Variants in HOMER1 observed in about 807,000 individuals in gnomAD.
HOMER1 encodes the protein homer protein homolog 1.
HOMER1 carries 3 observed loss-of-function variants against 48.9 expected under a neutral mutation model. The ratio of observed to expected loss-of-function variants is 0.06; its 90% CI spans 0.03 to 0.16. The LOEUF is 0.16. Ranked by LOEUF, HOMER1 falls within the 10% of genes least tolerant of loss-of-function variation. The probability of loss-of-function intolerance (pLI) is 1.00; values close to 1 mark genes in which losing one functional copy is unlikely to be tolerated. For synonymous variants in HOMER1, 134 were observed against 146.4 expected (o/e 0.92, Z 0.61); for missense variants, 247 against 411.4 (o/e 0.60, Z 3.46).
chr5:79,500,680 G>A (rs1221180191), intron 1 of HOMER1, among the ~76,000 whole-genome samples: 1 of 151,444 alleles, frequency 6.6e-6, no homozygotes, highest in Non-Finnish European at 1.5e-5. Context: ...AGGCTGGAGT[G>A]TAATGGTATG....
In HOMER1 at chr5:79,489,519, T is replaced by C. The variant is rs549164453; in HGVS notation, c.5+23251A>G. Among the ~76,000 whole-genome samples the C allele has an allele frequency of 6.2e-4, 94 of 152,118 alleles. 1 individual carries two copies. The South Asian group carries it at 0.019, about 31-fold the overall frequency. ...TTGCAGTGAGCCGAGATTGCGCCAC[T>C]GTACTCCAGCCTGGGCGACAGAGCA... On this transcript the variant is annotated intron_variant, in intron 1 of 8. Coordinates refer to ENST00000334082, the MANE Select transcript of HOMER1 (RefSeq NM_004272.5).
intron 8 of HOMER1, among the ~76,000 whole-genome samples, chr5:79,396,496 C>T (rs1460979117): frequency 1.3e-5 from 2 of 151,970 alleles, no homozygotes; most frequent in East Asian, 1.9e-4. Context: ...GATCCTCCTC[C>T]TCAGCATCCC....
chr5:79,403,796 G>A (rs1240483255), intron 5 of HOMER1, among the ~76,000 whole-genome samples: 3 of 152,078 alleles, frequency 2.0e-5, no homozygotes, highest in Non-Finnish European at 1.5e-5. Flanking sequence ...CAGTTTTTGT[G>A]ATTTTTCTAT....
rs906980723 is a variant in HOMER1, at chr5:79,413,079, T to C, written c.528-11024A>G. Among the ~76,000 whole-genome samples the C allele has an allele frequency of 8.5e-5, 13 of 152,150 alleles. 1 individual carries two copies. The highest frequency in any genetic ancestry group is 8.5e-4 in the Admixed American group (13 of 15,280). On this transcript the variant is annotated intron_variant, in intron 5 of 8. Transcript: ENST00000334082. ...GTCAGTGAACTTAAAGCTTAATCAA[T>C]ACAAATTTTCCAGTTTGAACATCAG...
chr5:79,398,588 T>A (rs9293779), intron 6 of HOMER1, among the ~76,000 whole-genome samples: 1 of 151,928 alleles, frequency 6.6e-6, no homozygotes, highest in Non-Finnish European at 1.5e-5. Context: ...AGCCTCCCAG[T>A]GGACTTAATT....
intron 1 of HOMER1, among the ~76,000 whole-genome samples, chr5:79,469,892 T>C (rs758815718): frequency 3.9e-5 from 6 of 152,212 alleles, no homozygotes; most frequent in Non-Finnish European, 8.8e-5. Context: ...ATATAATCCC[T>C]GTAGTGATGT....
At chr5:79,479,424 G>A (rs929764379) in intron 1 of HOMER1, among the ~76,000 whole-genome samples, 17 of 152,194 alleles carry the variant, frequency 1.1e-4, no homozygotes, top group African/African-American at 4.1e-4. Flanking sequence ...ATCCTCACAA[G>A]AGGGATGCAG....
At chr5:79,481,700 C>G (rs963547363) in intron 1 of HOMER1, among the ~76,000 whole-genome samples, 1 of 152,160 alleles carries the variant, frequency 6.6e-6, no homozygotes, top group Non-Finnish European at 1.5e-5. Context: ...CCCCAGGACT[C>G]ACATAAAACC....
chr5:79,379,114 A>ATATATATATAT (rs70975748), intron 8 of HOMER1, among the ~76,000 whole-genome samples: 5 of 82,246 alleles, frequency 6.1e-5, no homozygotes, highest in African/African-American at 2.7e-4. Flanking sequence ...ATATATATAT[A>ATATATATATAT]AAATATATAA....
chr5:79,443,087 A>G (rs546787309), intron 4 of HOMER1, among the ~76,000 whole-genome samples: 1 of 152,300 alleles, frequency 6.6e-6, no homozygotes, highest in South Asian at 2.1e-4. Flanking sequence ...GCTGCATCAA[A>G]TGCTTACCAA....
chr5:79,438,820 A>C (rs1240564664), intron 5 of HOMER1, among the ~76,000 whole-genome samples, 190 bp downstream of exon 5: 3 of 151,860 alleles, frequency 2.0e-5, no homozygotes, highest in Non-Finnish European at 4.4e-5. Context: ...ATGCAACTAT[A>C]AACTATAAAT....
chr5:79,511,000 A>C (rs1318313453), intron 1 of HOMER1: 1 of 382,898 alleles, frequency 2.6e-6, no homozygotes. Context: ...CTATTTGTAC[A>C]AAGAAACCTC....
At chr5:79,422,235 TA>T (rs879563017) in intron 5 of HOMER1, among the ~76,000 whole-genome samples, 4,861 of 142,138 alleles carry the variant, frequency 0.034, 224 homozygotes, top group African/African-American at 0.11. Flanking sequence ...TCAAAAAAAT[TA>T]AAAAAAAAAA....
At chr5:79,454,279 A>G (rs1043548030) in intron 2 of HOMER1, among the ~76,000 whole-genome samples, 2 of 152,140 alleles carry the variant, frequency 1.3e-5, no homozygotes, top group African/African-American at 2.4e-5. Flanking sequence ...ACATGGGACT[A>G]TTCAGTTGAC....
intron 1 of HOMER1, among the ~76,000 whole-genome samples, chr5:79,469,907 T>G (rs1751573200): frequency 6.6e-6 from 1 of 152,238 alleles, no homozygotes; most frequent in African/African-American, 2.4e-5. Flanking sequence ...TGATGTGGTG[T>G]TTGTGCTTAG....
At chr5:79,448,861 T>A (rs1301254073) in intron 3 of HOMER1, among the ~76,000 whole-genome samples, 1 of 151,958 alleles carries the variant, frequency 6.6e-6, no homozygotes, top group East Asian at 1.9e-4. Context: ...TAAGCTAGAA[T>A]TGGCTCCAAG....
chr5:79,492,352 A>G (rs1342949212), intron 1 of HOMER1, among the ~76,000 whole-genome samples: 2 of 152,210 alleles, frequency 1.3e-5, no homozygotes, highest in African/African-American at 4.8e-5. Flanking sequence ...AAGACTAAAA[A>G]TATTTATCAA....
chr5:79,483,977 C>T (rs1320673614), intron 1 of HOMER1, among the ~76,000 whole-genome samples: 1 of 136,780 alleles, frequency 7.3e-6, no homozygotes, highest in East Asian at 2.2e-4. Flanking sequence ...ACCTGGGAGG[C>T]AGAGGTTGCA....
At chr5:79,438,937 C>A in intron 5 of HOMER1, 73 bp downstream of exon 5, 7 of 1,195,812 alleles carry the variant, frequency 5.9e-6, no homozygotes, top group East Asian at 5.7e-5. Flanking sequence ...CTTGTAACTA[C>A]AAGGGTTCCT....
Sources: allele counts gnomAD v4.1 joint callset (sites outside exome capture counted in the v4.1 genomes callset), GRCh38; gene constraint gnomAD v4.1.1; transcripts MANE v1.5; gene names NCBI Gene and HGNC (gene_info 2026-07-23, HGNC 2026-07-21).